GRIN2A: variants seen among roughly 807,000 people sequenced by gnomAD.
The protein encoded by GRIN2A is glutamate ionotropic receptor NMDA type subunit 2A.
GRIN2A carries 22 observed loss-of-function variants against 113.4 expected under a neutral mutation model. The observed-to-expected ratio is 0.19, with a 90% confidence interval of 0.14 to 0.28. GRIN2A has a LOEUF of 0.28. Among genes scored for constraint, GRIN2A ranks in the 10% least tolerant of loss-of-function variants. The pLI, the probability that GRIN2A is intolerant of heterozygous loss-of-function variation, is 1.00. For missense variants in GRIN2A, 1,502 were observed against 1,887.0 expected (o/e 0.80, Z 3.78); for synonymous variants, 827 against 738.4 (o/e 1.12, Z -1.94).
intron 2 of GRIN2A, among the ~76,000 whole-genome samples, chr16:10,167,366 T>C (rs1202720992): frequency 2.0e-5 from 3 of 152,216 alleles, no homozygotes; most frequent in Non-Finnish European, 4.4e-5. Context: ...TCAGTGATTT[T>C]TGGAAATCAC....
rs554542396 is a variant in GRIN2A at position 10,142,743 on chromosome 16, T to C, written c.414+37255A>G. ...AAACCAACCAAAGACACCCTAACCC[T>C]CTCCCATTTCCACCTAGCTTCTCTC... On this transcript the variant is annotated intron_variant, in intron 2 of 12. Transcript: ENST00000330684. 7.9e-5 allele frequency among the ~76,000 whole-genome samples: 12 copies of C among 152,104 alleles called. No homozygotes were observed. In the East Asian group the frequency reaches 2.3e-3, roughly 29 times the overall value.
intron 2 of GRIN2A, among the ~76,000 whole-genome samples, chr16:10,134,992 A>G (rs893823044): frequency 6.6e-6 from 1 of 152,158 alleles, no homozygotes; most frequent in Non-Finnish European, 1.5e-5. Flanking sequence ...CTGATAGTAA[A>G]TCTCCTAATT....
At chr16:10,004,169 T>G (rs532857613) in intron 2 of GRIN2A, among the ~76,000 whole-genome samples, 1 of 151,942 alleles carries the variant, frequency 6.6e-6, no homozygotes, top group Admixed American at 6.6e-5. Context: ...GGCGGGCACA[T>G]CACGAAGTCA....
At chr16:10,122,732 C>T (rs548361160) in intron 2 of GRIN2A, among the ~76,000 whole-genome samples, 22 of 152,294 alleles carry the variant, frequency 1.4e-4, no homozygotes, top group Non-Finnish European at 2.5e-4. Flanking sequence ...CTTGGGCCCC[C>T]TGCTGGAGAG....
intron 2 of GRIN2A, among the ~76,000 whole-genome samples, chr16:10,140,682 T>C (rs796662312): frequency 2.2e-4 from 33 of 152,214 alleles, no homozygotes; most frequent in African/African-American, 7.5e-4. Context: ...TCAGTCAGTG[T>C]ATTCCTATCC....
intron 3 of GRIN2A, among the ~76,000 whole-genome samples, chr16:9,928,687 T>C (rs2044522040): frequency 6.6e-6 from 1 of 151,880 alleles, no homozygotes; most frequent in Non-Finnish European, 1.5e-5. Context: ...CCCCATCACC[T>C]CCTCATCTGT....
chr16:9,893,668 T>C (rs1011594965), intron 3 of GRIN2A, among the ~76,000 whole-genome samples: 2 of 152,146 alleles, frequency 1.3e-5, no homozygotes, highest in African/African-American at 2.4e-5. Context: ...GGTTTTGCCA[T>C]GTTGACCAGG....
At chr16:9,778,766 A>G (rs1901761807) in intron 11 of GRIN2A, among the ~76,000 whole-genome samples, 1 of 152,194 alleles carries the variant, frequency 6.6e-6, no homozygotes, top group Admixed American at 6.5e-5. Context: ...GAACTTATTT[A>G]TAACTGCTGA....
rs1377082706 is a variant in GRIN2A at position 9,938,400 on chromosome 16, G to A, written c.566C>T (p.Thr189Ile). Reference sequence around the variant, plus strand: ...GCCCACAAAGCTGTTGTCCACTGTGGTCTTGACGAAGCTGATGAATTCCCT... The same window carrying A: ...GCCCACAAAGCTGTTGTCCACTGTGATCTTGACGAAGCTGATGAATTCCCT... ...GYREFISFVK[T>I]TVDNSFVGWD... Residue 189 changes from threonine to isoleucine, a missense_variant, in exon 3 of 13, where the codon ACC (threonine) becomes ATC (isoleucine). By Grantham distance (89) the Thr-to-Ile change is moderately conservative (BLOSUM62 -1). Around this residue, in one of 7 missense-constraint regions of GRIN2A, gnomAD observed 334 missense variants for 403.0 expected, o/e 0.83. Transcript: ENST00000330684. 6.2e-7 allele frequency: 1 copy of A among 1,614,118 alleles called. No homozygotes were observed.
intron 11 of GRIN2A, among the ~76,000 whole-genome samples, chr16:9,778,742 A>T (rs1051265581): frequency 3.9e-5 from 6 of 152,234 alleles, no homozygotes; most frequent in African/African-American, 9.6e-5. Context: ...TGACCAGGGG[A>T]TCTCTCCCAG....
chr16:9,937,390 T>C lies in GRIN2A; in HGVS notation c.1007+569A>G, dbSNP rs142837571. ...AATTGTTTGTAACTGAAAGAATAAATGCTTAGGGGATGGATACCCCATTCT... is the reference window on the plus strand; with the variant it reads ...AATTGTTTGTAACTGAAAGAATAAACGCTTAGGGGATGGATACCCCATTCT... On this transcript the variant is annotated intron_variant, in intron 3 of 12. Transcript: ENST00000330684. Among the ~76,000 whole-genome samples the C allele has an allele frequency of 3.1e-3, 473 of 152,264 alleles. 4 individuals carry two copies. Among genetic ancestry groups the C allele is most frequent in the African/African-American group, 0.011 (449 of 41,548 alleles).
chr16:10,167,091 C>T lies in GRIN2A; in HGVS notation c.414+12907G>A, dbSNP rs115824283. 4.8e-3 allele frequency among the ~76,000 whole-genome samples: 719 copies of T among 150,670 alleles called. 5 individuals carry two copies. The highest frequency in any genetic ancestry group is 0.017 in the African/African-American group (683 of 40,976). On this transcript the variant is annotated intron_variant, in intron 2 of 12. Transcript: ENST00000330684. ...ATTTTAAACTGCATGGGGGTTAATG[C>T]AACTAGCGCCTGCATTATTCAAGGA... is the stretch of plus-strand genomic sequence containing the variant.
At chr16:9,844,930 A>G (rs933429679) in intron 5 of GRIN2A, among the ~76,000 whole-genome samples, 49 of 152,150 alleles carry the variant, frequency 3.2e-4, no homozygotes, top group African/African-American at 1.1e-3. Flanking sequence ...TTCTTAGAAG[A>G]TCCCACCACT....
At chr16:10,080,896 C>T (rs963123767) in intron 2 of GRIN2A, among the ~76,000 whole-genome samples, 1 of 152,148 alleles carries the variant, frequency 6.6e-6, no homozygotes, top group Non-Finnish European at 1.5e-5. Flanking sequence ...CTCAGGTAGC[C>T]CATTCCTTCA....
At chr16:9,896,403 T>G (rs2043808535) in intron 3 of GRIN2A, among the ~76,000 whole-genome samples, 1 of 152,234 alleles carries the variant, frequency 6.6e-6, no homozygotes, top group South Asian at 2.1e-4. Flanking sequence ...GCACCTTTCT[T>G]TGGATTTACT....
At chr16:9,811,959 G>A (rs572373655) in intron 10 of GRIN2A, among the ~76,000 whole-genome samples, 1 of 152,086 alleles carries the variant, frequency 6.6e-6, no homozygotes, top group African/African-American at 2.4e-5. Context: ...CTCAATGGAA[G>A]AAGAAACATT....
chr16:10,114,681 T>C (rs2048693838), intron 2 of GRIN2A, among the ~76,000 whole-genome samples: 1 of 152,196 alleles, frequency 6.6e-6, no homozygotes, highest in African/African-American at 2.4e-5. Context: ...TTTCTGACAG[T>C]ATTTCCCAAG....
At chr16:10,050,824 T>C (rs541712040) in intron 2 of GRIN2A, among the ~76,000 whole-genome samples, 23 of 152,244 alleles carry the variant, frequency 1.5e-4, no homozygotes, top group Non-Finnish European at 2.8e-4. Context: ...AATCATAATC[T>C]GAGAGTTTAC....
intron 3 of GRIN2A, among the ~76,000 whole-genome samples, chr16:9,913,492 G>A (rs532334058): frequency 6.6e-6 from 1 of 152,174 alleles, no homozygotes; most frequent in Admixed American, 6.5e-5. Context: ...GTTTCTTTAT[G>A]TTTCCCCTCT....
Sources: allele counts gnomAD v4.1 joint callset (sites outside exome capture counted in the v4.1 genomes callset), GRCh38; gene constraint gnomAD v4.1.1; regional missense constraint gnomAD v4.1.1; transcripts MANE v1.5; gene names NCBI Gene and HGNC (gene_info 2026-07-23, HGNC 2026-07-21).